CELF2: variants seen among roughly 807,000 people sequenced by gnomAD.
CELF2 encodes the protein CUGBP Elav-like family member 2.
CELF2 carries 8 observed loss-of-function variants against 62.6 expected under a neutral mutation model. The ratio of observed to expected loss-of-function variants is 0.13; its 90% CI spans 0.07 to 0.23. CELF2 has a LOEUF of 0.23. CELF2 is among the 10% of genes least tolerant of loss of function. The pLI is 1.00. For synonymous variants in CELF2, 258 were observed against 250.0 expected, an observed-to-expected ratio of 1.03 and a Z score of -0.30; for missense variants, 333 against 671.0, an observed-to-expected ratio of 0.50 and a Z score of 5.56.
the CELF2 span, among the ~76,000 whole-genome samples, chr10:10,544,561 T>C: frequency 6.6e-6 from 1 of 152,380 alleles, no homozygotes; most frequent in Non-Finnish European, 1.5e-5. Flanking sequence ...AAATATTCCA[T>C]GTATAAAGCT....
At chr10:11,196,043 A>G (rs2057382282) in intron 2 of CELF2, among the ~76,000 whole-genome samples, 1 of 151,918 alleles carries the variant, frequency 6.6e-6, no homozygotes, top group African/African-American at 2.4e-5. Context: ...AGAAAAAAAA[A>G]AAAACTGGTC....
chr10:11,004,787 G>A (rs1284972793), upstream of CELF2, among the ~76,000 whole-genome samples: 23 of 152,070 alleles, frequency 1.5e-4, 1 homozygote, highest in Admixed American at 1.5e-3. This position sits in a 1 kb window ranked among gnomAD's most constrained non-coding sequence, Gnocchi z 5.0. Flanking sequence ...TGGGGCTAAG[G>A]GTCTTGACCT....
At chr10:11,078,885 C>G (rs1358902312) in intron 1 of CELF2, among the ~76,000 whole-genome samples, 1 of 152,088 alleles carries the variant, frequency 6.6e-6, no homozygotes, top group Non-Finnish European at 1.5e-5. Context: ...TCATGCTGCT[C>G]CCTTCTTCAG....
intron 1 of CELF2, among the ~76,000 whole-genome samples, chr10:11,085,400 G>C (rs893561448): frequency 6.6e-6 from 1 of 152,140 alleles, no homozygotes; most frequent in East Asian, 1.9e-4. Flanking sequence ...CTATAGATTT[G>C]AGCCCGTGTA....
chr10:11,288,866 C>T (rs2091978480), intron 9 of CELF2, among the ~76,000 whole-genome samples: 1 of 152,170 alleles, frequency 6.6e-6, no homozygotes, highest in Non-Finnish European at 1.5e-5. Flanking sequence ...TGTGAAGAGC[C>T]TCCGTCTCTT....
At position 11,220,567 on chromosome 10, in the gene CELF2, A is replaced by G. The variant is rs2064559429; in HGVS notation, c.354+3060A>G. Among the ~76,000 whole-genome samples, 1 of 152,246 alleles carries G rather than the reference A, an allele frequency of 6.6e-6. No individual in the cohort carries two copies. The highest frequency in any genetic ancestry group is 2.1e-4 in the South Asian group (1 of 4,834). On this transcript the variant is annotated intron_variant, in intron 3 of 12. Transcript: ENST00000633077. The surrounding 1 kb of genome is among the most constrained non-coding windows in gnomAD (Gnocchi z 4.4). ...ATCAGGGCTCTTACGGAGCAGTGCA[A>G]AATCATTGAAGACACGTTTCTCAAA...
At chr10:10,923,905 A>T (rs866424768) in intron 2 of CELF2, 3 of 152,172 alleles carry the variant, frequency 2.0e-5, no homozygotes, top group Admixed American at 6.5e-5. Flanking sequence ...GCAAAGGACA[A>T]TTTAGCAATC....
chr10:11,236,347 A>C (rs1250957038), intron 3 of CELF2, among the ~76,000 whole-genome samples: 4 of 152,252 alleles, frequency 2.6e-5, no homozygotes, highest in Admixed American at 2.6e-4. Flanking sequence ...AGTTCAAAGG[A>C]AACTAGAGAT....
chr10:10,614,457 A>G, the CELF2 span, among the ~76,000 whole-genome samples: 1 of 152,098 alleles, frequency 6.6e-6, no homozygotes, highest in East Asian at 1.9e-4. Flanking sequence ...CTTTAAAGGA[A>G]GATTTATCTT....
At chr10:11,023,544 A>G (rs2058679673) in intron 1 of CELF2, among the ~76,000 whole-genome samples, 1 of 152,256 alleles carries the variant, frequency 6.6e-6, no homozygotes, top group African/African-American at 2.4e-5. Flanking sequence ...CCAGATGTGA[A>G]GGGATGGAAA....
At chr10:11,017,781 G>C (rs1593202628), upstream of CELF2, 13 of 202,846 alleles carry the variant, frequency 6.4e-5, no homozygotes, top group South Asian at 2.1e-3. This position sits in a 1 kb window ranked among gnomAD's most constrained non-coding sequence, Gnocchi z 5.5. Flanking sequence ...GGCCCGCCCT[G>C]TGTCCCCGCG....
chr10:10,827,210 T>C (rs2132122720), intron 1 of CELF2, among the ~76,000 whole-genome samples: 1 of 152,288 alleles, frequency 6.6e-6, no homozygotes, highest in East Asian at 1.9e-4. Context: ...ATTTTACAAA[T>C]ATTTGCATAT....
the CELF2 span, among the ~76,000 whole-genome samples, chr10:10,634,652 A>ATTTAT: frequency 7.4e-6 from 1 of 135,510 alleles, no homozygotes; most frequent in East Asian, 2.2e-4. Context: ...ATAGAAGTTC[A>ATTTAT]TTTCTTTTCT....
the CELF2 span, among the ~76,000 whole-genome samples, chr10:10,625,596 A>AG: frequency 7.0e-3 from 1,059 of 152,314 alleles, 5 homozygotes; most frequent in South Asian, 0.037. Context: ...AAATAGCCTC[A>AG]GGGCCAAAGT....
chr10:10,940,719 G>A (rs2046958974), intron 2 of CELF2, among the ~76,000 whole-genome samples: 1 of 152,220 alleles, frequency 6.6e-6, no homozygotes, highest in South Asian at 2.1e-4. Context: ...ACCTGAGAGT[G>A]TGTCTGTCTG....
At chr10:10,503,253 G>A in the CELF2 span, among the ~76,000 whole-genome samples, 2 of 151,870 alleles carry the variant, frequency 1.3e-5, no homozygotes, top group African/African-American at 4.8e-5. Context: ...TTCTTTGACG[G>A]GTGGTGTTGA....
At chr10:10,976,376 G>A (rs1455055822) in intron 2 of CELF2, among the ~76,000 whole-genome samples, 1 of 152,150 alleles carries the variant, frequency 6.6e-6, no homozygotes, top group Non-Finnish European at 1.5e-5. Context: ...TCAAATGCCT[G>A]TTCTCAGAAC....
upstream of CELF2, among the ~76,000 whole-genome samples, chr10:11,003,839 A>G (rs1444971628): frequency 6.6e-6 from 1 of 152,176 alleles, no homozygotes; most frequent in Non-Finnish European, 1.5e-5. This position sits in a 1 kb window ranked among gnomAD's most constrained non-coding sequence, Gnocchi z 4.4. Flanking sequence ...TGAAGCAAGA[A>G]TATGTAAAAA....
intron 1 of CELF2, among the ~76,000 whole-genome samples, chr10:11,089,273 C>T (rs567809533): frequency 1.2e-3 from 177 of 152,230 alleles, no homozygotes; most frequent in African/African-American, 3.9e-3. Flanking sequence ...GGTTGGCAGC[C>T]GATGGCAGCA....
Sources: gnomAD v4.1 joint callset for allele counts (sites outside exome capture counted in the v4.1 genomes callset) on GRCh38, gnomAD v4.1.1 for gene constraint, Gnocchi (gnomAD v3.1) non-coding constraint, MANE v1.5 for transcripts, NCBI Gene and HGNC (gene_info 2026-07-23, HGNC 2026-07-21) for gene names.